Variants in MACROD2 observed in about 807,000 individuals in gnomAD.
The protein encoded by MACROD2 is ADP-ribose glycohydrolase MACROD2.
MACROD2 carries 36 observed loss-of-function variants against 70.4 expected under a neutral mutation model. The observed-to-expected ratio is 0.51, with a 90% CI of 0.39 to 0.68. The LOEUF is 0.68. MACROD2 is among the 30% of genes least tolerant of loss of function. The probability of loss-of-function intolerance (pLI) is 0.00; values close to 1 mark genes in which losing one functional copy is unlikely to be tolerated. For missense variants in MACROD2, 496 were observed against 538.4 expected (o/e 0.92, Z 0.78); for synonymous variants, 172 against 178.8 (o/e 0.96, Z 0.30).
intron 6 of MACROD2, among the ~76,000 whole-genome samples, chr20:15,298,626 G>A (rs1444601794): frequency 6.6e-6 from 1 of 152,214 alleles, no homozygotes; most frequent in East Asian, 1.9e-4. Context: ...ACTAGTGTGT[G>A]TTTGTATTTT....
intron 6 of MACROD2, among the ~76,000 whole-genome samples, chr20:15,234,608 A>T (rs953901829): frequency 6.6e-6 from 1 of 152,232 alleles, no homozygotes; most frequent in Non-Finnish European, 1.5e-5. Flanking sequence ...GAAATCAAGC[A>T]TCTAAATTAT....
intron 3 of MACROD2, among the ~76,000 whole-genome samples, chr20:14,355,289 A>C (rs2083161916): frequency 6.6e-6 from 1 of 152,212 alleles, no homozygotes; most frequent in Non-Finnish European, 1.5e-5. Context: ...ATTATAAAAT[A>C]ATGTCTTAAA....
At chr20:15,453,798 T>A (rs2046677362) in intron 7 of MACROD2, among the ~76,000 whole-genome samples, 1 of 152,168 alleles carries the variant, frequency 6.6e-6, no homozygotes, top group Non-Finnish European at 1.5e-5. Flanking sequence ...CACCAAAGCC[T>A]ACCCAGCAAG....
intron 5 of MACROD2, among the ~76,000 whole-genome samples, chr20:15,042,193 A>T (rs547016809): frequency 6.6e-6 from 1 of 152,216 alleles, no homozygotes; most frequent in African/African-American, 2.4e-5. Context: ...GGTTATTTTC[A>T]TAACAGACCT....
At chr20:14,011,968 G>C (rs1017028608) in intron 2 of MACROD2, among the ~76,000 whole-genome samples, 1 of 152,068 alleles carries the variant, frequency 6.6e-6, no homozygotes, top group African/African-American at 2.4e-5. Context: ...GGGTACAGTG[G>C]CATGATCTTA....
intron 3 of MACROD2, among the ~76,000 whole-genome samples, chr20:14,352,582 C>T (rs1438411728): frequency 1.3e-5 from 2 of 152,114 alleles, no homozygotes; most frequent in African/African-American, 2.4e-5. Flanking sequence ...TATATGCACC[C>T]TTCTAACCTC....
At chr20:14,632,557 T>G (rs1199332455) in intron 4 of MACROD2, among the ~76,000 whole-genome samples, 1 of 152,214 alleles carries the variant, frequency 6.6e-6, no homozygotes, top group Non-Finnish European at 1.5e-5. Flanking sequence ...TTTTCATTTT[T>G]GCTGTTTTTA....
chr20:14,803,125 T>C lies in MACROD2; in HGVS notation c.418+118166T>C, dbSNP rs567525782. On this transcript the variant is annotated intron_variant, in intron 5 of 17. Transcript: ENST00000684519. ...ACAAAACAGCAGCTCCAGCAGAAAA[T>C]AAGTGTAATCTTCTCCTTTGTAAGT... Among the ~76,000 whole-genome samples, 6 of 152,100 alleles carry C rather than the reference T, an allele frequency of 3.9e-5. No individual in the cohort carries two copies. In the South Asian group the frequency reaches 1.0e-3, roughly 26 times the overall value.
chr20:15,168,432 C>A (rs549331727), intron 5 of MACROD2, among the ~76,000 whole-genome samples: 1 of 142,970 alleles, frequency 7.0e-6, no homozygotes, highest in African/African-American at 2.7e-5. Flanking sequence ...CCTCTCTCCA[C>A]ATTGTGGGAT....
Position 14,707,057 on chromosome 20 carries a change from G to T in MACROD2, c.418+22098G>T, listed in dbSNP as rs541073928. Among the ~76,000 whole-genome samples the T allele has an allele frequency of 8.1e-4, 123 of 152,148 alleles. 1 individual carries two copies. The highest frequency in any genetic ancestry group is 2.8e-3 in the African/African-American group (117 of 41,504). ...CTCCTTAAATGATCAGGCTGAATGG[G>T]GTTGTCAGGATTGAAAGAACAGGAT... is the stretch of plus-strand genomic sequence containing the variant. On this transcript the variant is annotated intron_variant, in intron 5 of 17. Coordinates refer to ENST00000684519, the MANE Select transcript of MACROD2 (RefSeq NM_001351661.2).
At chr20:15,434,616 C>G (rs1402424055) in intron 7 of MACROD2, among the ~76,000 whole-genome samples, 1 of 152,078 alleles carries the variant, frequency 6.6e-6, no homozygotes, top group Non-Finnish European at 1.5e-5. Flanking sequence ...TATGGAGATT[C>G]CTTAAAGAGC....
intron 9 of MACROD2, among the ~76,000 whole-genome samples, chr20:15,885,008 G>C (rs544067192): frequency 1.3e-5 from 2 of 152,024 alleles, no homozygotes; most frequent in Admixed American, 6.6e-5. Context: ...ACTTCCAAAG[G>C]CCTCACCTTC....
At chr20:15,720,956 T>A (rs2050779288) in intron 8 of MACROD2, among the ~76,000 whole-genome samples, 1 of 152,198 alleles carries the variant, frequency 6.6e-6, no homozygotes, top group African/African-American at 2.4e-5. Context: ...TTCTGTGTTT[T>A]CTTTGTTAGT....
At chr20:14,146,322 GA>G (rs149002863) in intron 3 of MACROD2, among the ~76,000 whole-genome samples, 15 of 147,314 alleles carry the variant, frequency 1.0e-4, no homozygotes, top group Admixed American at 3.4e-4. Context: ...TCCGCCTCAG[GA>G]AAAAAAAAAC....
intron 9 of MACROD2, among the ~76,000 whole-genome samples, chr20:15,878,210 C>T (rs2147195190): frequency 6.6e-6 from 1 of 152,222 alleles, no homozygotes. Flanking sequence ...CATAACTGTT[C>T]CTCAAACCCA....
At chr20:14,378,985 A>C (rs2083397695) in intron 3 of MACROD2, among the ~76,000 whole-genome samples, 1 of 152,106 alleles carries the variant, frequency 6.6e-6, no homozygotes, top group Admixed American at 6.5e-5. Context: ...GATTCCTCCA[A>C]ATCTACCCTA....
At position 15,097,243 on chromosome 20, in the gene MACROD2, G is replaced by C. The variant is rs992793005; in HGVS notation, c.419-132697G>C. On this transcript the variant is annotated intron_variant, in intron 5 of 17. Transcript: ENST00000684519. ...AAAACAATATGCAAAATTTGGCCTT[G>C]GCATTGCCCAAAGTGTGGTATTTTG... Among the ~76,000 whole-genome samples, 5 of 152,116 alleles carry C rather than the reference G, an allele frequency of 3.3e-5. 1 individual carries two copies. Among genetic ancestry groups the C allele is most frequent in the Non-Finnish European group, 7.3e-5 (5 of 68,028 alleles).
rs535539248 is a variant in MACROD2 at position 14,633,282 on chromosome 20, A to G, written c.302-51561A>G. ...TAATCTAGAATAATTTCCCCATCTC[A>G]GAATTCTTAATCTCATTTGCTAAGA... On this transcript the variant is annotated intron_variant, in intron 4 of 17. Coordinates refer to ENST00000684519, the MANE Select transcript of MACROD2 (RefSeq NM_001351661.2). Among the ~76,000 whole-genome samples the G allele has an allele frequency of 1.1e-4, 16 of 152,326 alleles. No homozygotes were observed. The South Asian group carries it at 3.3e-3, about 32-fold the overall frequency.
At chr20:15,859,759 CTTT>C (rs10710498) in intron 8 of MACROD2, among the ~76,000 whole-genome samples, 2 of 143,798 alleles carry the variant, frequency 1.4e-5, no homozygotes, top group Non-Finnish European at 1.5e-5. Flanking sequence ...CATCCCCGCG[CTTT>C]TTTTTTTTTT....
Sources: gnomAD v4.1 joint callset for allele counts (sites outside exome capture counted in the v4.1 genomes callset) on GRCh38, gnomAD v4.1.1 for gene constraint, MANE v1.5 for transcripts, NCBI Gene and HGNC (gene_info 2026-07-23, HGNC 2026-07-21) for gene names.